Variants in ZBTB7C observed in about 807,000 individuals in gnomAD.
ZBTB7C encodes the protein zinc finger and BTB domain-containing protein 7C.
In ZBTB7C, 8 loss-of-function variants were observed where a neutral mutation model predicts 25.7. The observed-to-expected ratio is 0.31, with a 90% confidence interval of 0.18 to 0.56. The LOEUF (loss-of-function observed/expected upper bound fraction) is 0.56, where lower values mean the gene tolerates loss of function less well. ZBTB7C is among the 20% of genes least tolerant of loss of function. The pLI is 0.91. For missense variants in ZBTB7C, 824 were observed against 855.2 expected (o/e 0.96, Z 0.46); for synonymous variants, 394 against 369.0 (o/e 1.07, Z -0.78).
intron 3 of ZBTB7C, among the ~76,000 whole-genome samples, chr18:48,169,269 T>G (rs2041381618): frequency 6.6e-6 from 1 of 152,154 alleles, no homozygotes; most frequent in South Asian, 2.1e-4. Context: ...CACCTCCCAG[T>G]CCCCTTGCCT....
At chr18:48,096,695 C>T (rs963832552) in intron 3 of ZBTB7C, among the ~76,000 whole-genome samples, 1 of 152,094 alleles carries the variant, frequency 6.6e-6, no homozygotes, top group African/African-American at 2.4e-5. Context: ...TCTGAATCTC[C>T]ACGTGATCAT....
chr18:48,403,561 C>T (rs966553492), intron 1 of ZBTB7C, among the ~76,000 whole-genome samples: 4 of 152,124 alleles, frequency 2.6e-5, no homozygotes, highest in Non-Finnish European at 4.4e-5. Flanking sequence ...AGTACATAGT[C>T]GGTAAATGAA....
chr18:48,048,508 C>T (rs2036559940), intron 3 of ZBTB7C, among the ~76,000 whole-genome samples: 1 of 152,184 alleles, frequency 6.6e-6, no homozygotes, highest in Non-Finnish European at 1.5e-5. Flanking sequence ...ACCCCATGAC[C>T]TGTGGGACTT....
intron 2 of ZBTB7C, among the ~76,000 whole-genome samples, chr18:48,323,891 T>C (rs1291027403): frequency 6.6e-6 from 1 of 152,182 alleles, no homozygotes; most frequent in Non-Finnish European, 1.5e-5. Flanking sequence ...AAAACTCATA[T>C]GCTGAAACCC....
chr18:48,306,686 A>G (rs1397766854), intron 2 of ZBTB7C, among the ~76,000 whole-genome samples: 1 of 152,106 alleles, frequency 6.6e-6, no homozygotes, highest in African/African-American at 2.4e-5. Context: ...CTCTTCTCCT[A>G]CAAGTGAATA....
intron 2 of ZBTB7C, among the ~76,000 whole-genome samples, chr18:48,275,099 C>G (rs1275325829): frequency 6.6e-6 from 1 of 152,138 alleles, no homozygotes; most frequent in Non-Finnish European, 1.5e-5. Flanking sequence ...AGCAAAACAA[C>G]CACTTAATTA....
intron 1 of ZBTB7C, among the ~76,000 whole-genome samples, chr18:48,388,101 A>G (rs575267681): frequency 8.5e-5 from 13 of 152,276 alleles, no homozygotes; most frequent in African/African-American, 2.6e-4. Flanking sequence ...CGCTGGGATT[A>G]CAGGCGTTAG....
chr18:48,213,300 G>C (rs768313511), intron 2 of ZBTB7C, among the ~76,000 whole-genome samples: 1 of 152,124 alleles, frequency 6.6e-6, no homozygotes, highest in Admixed American at 6.6e-5. Flanking sequence ...TTTTCTGTCC[G>C]CAAACCCTCC....
intron 2 of ZBTB7C, among the ~76,000 whole-genome samples, chr18:48,317,597 G>A (rs1031015075): frequency 2.6e-5 from 4 of 152,196 alleles, no homozygotes; most frequent in African/African-American, 9.6e-5. Flanking sequence ...TGGCTGACTG[G>A]ATAGGTTCCT....
Position 48,096,476 on chromosome 18 carries a change from T to C in ZBTB7C, c.-16-55353A>G, listed in dbSNP as rs114189518. 3.4e-3 allele frequency among the ~76,000 whole-genome samples: 518 copies of C among 152,350 alleles called. 4 individuals carry two copies. Among genetic ancestry groups the C allele is most frequent in the African/African-American group, 0.012 (498 of 41,570 alleles). On this transcript the variant is annotated intron_variant, in intron 3 of 4. Coordinates refer to ENST00000590800, the MANE Select transcript of ZBTB7C (RefSeq NM_001318841.2). ...GTGCTCCAGTATGACTTTATCCTTA[T>C]AGTTTTTCTTTTCTTTTAAAATAAT...
chr18:48,033,981 G>A (rs1179542484), intron 4 of ZBTB7C, among the ~76,000 whole-genome samples: 2 of 152,142 alleles, frequency 1.3e-5, no homozygotes, highest in Admixed American at 1.3e-4. Flanking sequence ...TGGGTAATGG[G>A]CTTCTGCCAA....
intron 2 of ZBTB7C, among the ~76,000 whole-genome samples, chr18:48,287,272 A>G (rs2144668024): frequency 6.6e-6 from 1 of 152,324 alleles, no homozygotes; most frequent in Admixed American, 6.5e-5. Flanking sequence ...ATGCCAAAAT[A>G]TTTTTATATG....
chr18:48,045,694 G>C (rs1212851463), intron 3 of ZBTB7C, among the ~76,000 whole-genome samples: 4 of 152,110 alleles, frequency 2.6e-5, no homozygotes, highest in Admixed American at 6.6e-5. Flanking sequence ...CAATTCAGAG[G>C]CTCCATCTCT....
At chr18:48,194,186 C>A (rs2042264652) in intron 2 of ZBTB7C, among the ~76,000 whole-genome samples, 1 of 152,220 alleles carries the variant, frequency 6.6e-6, no homozygotes, top group African/African-American at 2.4e-5. Context: ...GCTGCCCAAT[C>A]TGGGTCCTCT....
intron 3 of ZBTB7C, chr18:48,137,420 CCA>C (rs1491164813): frequency 0.013 from 9,173 of 682,814 alleles, 199 homozygotes; most frequent in African/African-American, 0.082. Flanking sequence ...GGGTTTCCCC[CCA>C]CTCTCCTTCT....
chr18:48,049,284 C>A (rs1263124412), intron 3 of ZBTB7C, among the ~76,000 whole-genome samples: 1 of 152,112 alleles, frequency 6.6e-6, no homozygotes, highest in Non-Finnish European at 1.5e-5. Flanking sequence ...ACTTCTGCTG[C>A]CTCAGTTTCC....
chr18:48,327,403 G>T (rs567900897), intron 2 of ZBTB7C, among the ~76,000 whole-genome samples: 1 of 152,168 alleles, frequency 6.6e-6, no homozygotes, highest in Non-Finnish European at 1.5e-5. Context: ...TCATTTTAAG[G>T]CCATGTGGTA....
intron 2 of ZBTB7C, among the ~76,000 whole-genome samples, chr18:48,331,642 C>T (rs1326012637): frequency 1.3e-5 from 2 of 152,210 alleles, no homozygotes; most frequent in East Asian, 3.8e-4. Flanking sequence ...TAGTTCAGTG[C>T]AGCCTTCTCC....
chr18:48,310,928 C>T (rs563114481), intron 2 of ZBTB7C, among the ~76,000 whole-genome samples: 3 of 152,362 alleles, frequency 2.0e-5, no homozygotes, highest in African/African-American at 7.2e-5. Context: ...CACAAAGTAA[C>T]TGCCCCTCTA....
Sources: gnomAD v4.1 joint callset for allele counts (sites outside exome capture counted in the v4.1 genomes callset) on GRCh38, gnomAD v4.1.1 for gene constraint, MANE v1.5 for transcripts, NCBI Gene and HGNC (gene_info 2026-07-23, HGNC 2026-07-21) for gene names.